Variants in TLN2 observed in about 807,000 individuals in gnomAD.
TLN2 encodes the protein talin-2.
In TLN2, 118 loss-of-function variants were observed where a neutral mutation model predicts 294.7. The ratio of observed to expected loss-of-function variants is 0.40; its 90% CI spans 0.34 to 0.47. TLN2 has a LOEUF of 0.47. TLN2 is among the 20% of genes least tolerant of loss of function. The pLI, the probability that TLN2 is intolerant of heterozygous loss-of-function variation, is 0.84. For synonymous variants in TLN2, 1,431 were observed against 1,304.5 expected (o/e 1.10, Z -2.09); for missense variants, 3,083 against 3,282.2 (o/e 0.94, Z 1.48).
At chr15:62,667,446 A>T (rs931768522) in intron 9 of TLN2, among the ~76,000 whole-genome samples, 1 of 151,698 alleles carries the variant, frequency 6.6e-6, no homozygotes, top group Non-Finnish European at 1.5e-5. Context: ...TCCCTATTGT[A>T]CCTCCACCAT....
chr15:62,699,921 A>G (rs902528872), intron 16 of TLN2, among the ~76,000 whole-genome samples: 11 of 152,098 alleles, frequency 7.2e-5, no homozygotes, highest in Admixed American at 5.2e-4. Flanking sequence ...GTTGACAACC[A>G]CTGTTGTAGG....
chr15:62,703,073 A>G (rs1018410165), intron 19 of TLN2, among the ~76,000 whole-genome samples: 1 of 151,916 alleles, frequency 6.6e-6, no homozygotes, highest in Non-Finnish European at 1.5e-5. Flanking sequence ...ACCATGCGTC[A>G]TCATTGTAAA....
chr15:62,554,012 T>C (rs776511696), intron 1 of TLN2, among the ~76,000 whole-genome samples: 4 of 152,052 alleles, frequency 2.6e-5, no homozygotes, highest in Non-Finnish European at 5.9e-5. Flanking sequence ...TATTATTTTC[T>C]TTCACTAGAC....
intron 9 of TLN2, among the ~76,000 whole-genome samples, chr15:62,672,889 G>A (rs929771594): frequency 6.6e-6 from 1 of 152,110 alleles, no homozygotes; most frequent in African/African-American, 2.4e-5. Flanking sequence ...CAGGTACTCA[G>A]GCCAGTATTT....
intron 1 of TLN2, among the ~76,000 whole-genome samples, chr15:62,456,197 G>C (rs955214188): frequency 6.6e-6 from 1 of 152,178 alleles, no homozygotes; most frequent in Non-Finnish European, 1.5e-5. Flanking sequence ...TCACTGGAAA[G>C]CTCTGAGTCA....
chr15:62,741,185 T>C (rs909340470), intron 32 of TLN2, among the ~76,000 whole-genome samples: 4 of 152,256 alleles, frequency 2.6e-5, no homozygotes, highest in Admixed American at 6.5e-5. Context: ...CAGACTTTTA[T>C]TGAGCACTTA....
intron 45 of TLN2, among the ~76,000 whole-genome samples, chr15:62,789,480 G>A (rs981428861): frequency 6.6e-6 from 1 of 152,130 alleles, no homozygotes; most frequent in Admixed American, 6.5e-5. Context: ...GAAAGGGGCC[G>A]GGCAGCAGGG....
At chr15:62,416,633 A>G (rs998915746) in intron 1 of TLN2, among the ~76,000 whole-genome samples, 1 of 152,204 alleles carries the variant, frequency 6.6e-6, no homozygotes, top group African/African-American at 2.4e-5. Flanking sequence ...ATATAGCATT[A>G]TCTTCCTTGA....
At chr15:62,819,337 G>T (rs1409324204) in intron 52 of TLN2, among the ~76,000 whole-genome samples, 179 bp from the exon 53 acceptor site, 1 of 152,158 alleles carries the variant, frequency 6.6e-6, no homozygotes, top group African/African-American at 2.4e-5. Context: ...TTTCTCACAT[G>T]GGGAGATTGA....
chr15:62,518,822 T>C (rs1567051546), intron 1 of TLN2, among the ~76,000 whole-genome samples: 1 of 152,076 alleles, frequency 6.6e-6, no homozygotes, highest in South Asian at 2.1e-4. Flanking sequence ...GGTCTCGAAC[T>C]CTTGACCTTA....
chr15:62,673,076 G>GTGTGTGTT (rs1429042734), intron 9 of TLN2, among the ~76,000 whole-genome samples: 1 of 133,438 alleles, frequency 7.5e-6, no homozygotes, highest in Non-Finnish European at 1.7e-5. Flanking sequence ...ATTTAATTGT[G>GTGTGTGTT]TGTGTGTGTG....
intron 41 of TLN2, 52 bp downstream of exon 41, chr15:62,766,474 G>C (rs1391495375): frequency 3.9e-6 from 6 of 1,536,990 alleles, no homozygotes; most frequent in Non-Finnish European, 3.6e-6. Context: ...TCACAGGAGA[G>C]AGGGTTTTAT....
chr15:62,587,537 A>G (rs1341753320), intron 1 of TLN2, among the ~76,000 whole-genome samples: 6 of 152,234 alleles, frequency 3.9e-5, no homozygotes, highest in African/African-American at 1.4e-4. Flanking sequence ...CAATAAATAT[A>G]GACCTCCAAC....
intron 1 of TLN2, among the ~76,000 whole-genome samples, chr15:62,457,514 G>A (rs1424666788): frequency 1.3e-4 from 20 of 152,216 alleles, no homozygotes; most frequent in Admixed American, 1.3e-3. Context: ...TGACTGCAGA[G>A]GAATTGGGCC....
intron 2 of TLN2, among the ~76,000 whole-genome samples, chr15:62,615,528 A>G (rs1487018536): frequency 6.6e-6 from 1 of 152,258 alleles, no homozygotes; most frequent in Admixed American, 6.5e-5. Flanking sequence ...TAGGAAATCA[A>G]AACACAGCAA....
intron 52 of TLN2, among the ~76,000 whole-genome samples, chr15:62,814,064 T>C (rs2141185047): frequency 6.6e-6 from 1 of 152,234 alleles, no homozygotes; most frequent in East Asian, 1.9e-4. Context: ...CACCTTGGCC[T>C]CCCAAAGTGC....
In TLN2 at chr15:62,558,584, A is replaced by G. The variant is rs150616013; in HGVS notation, c.-237-31103A>G. Among the ~76,000 whole-genome samples, 255 of 152,348 alleles carry G rather than the reference A, an allele frequency of 1.7e-3. 3 individuals are homozygous for G. The highest frequency in any genetic ancestry group is 5.9e-3 in the African/African-American group (247 of 41,576). ...ACAAGAGAAAAACCAAATTATTGAC[A>G]TGTATATTTTATATATACGTGGAAG... is the stretch of plus-strand genomic sequence containing the variant. On this transcript the variant is annotated intron_variant, in intron 1 of 58. Transcript: ENST00000636159.
At chr15:62,591,137 A>G (rs2046045090) in intron 2 of TLN2, among the ~76,000 whole-genome samples, 1 of 152,240 alleles carries the variant, frequency 6.6e-6, no homozygotes. Context: ...ATCTACTAAT[A>G]TAATTTTGCC....
chr15:62,503,317 C>T (rs569046664), intron 1 of TLN2, among the ~76,000 whole-genome samples: 80 of 152,316 alleles, frequency 5.3e-4, no homozygotes, highest in African/African-American at 1.9e-3. Flanking sequence ...AAGATCTGAA[C>T]TAACCACGTG....
Sources: gnomAD v4.1 joint callset for allele counts (sites outside exome capture counted in the v4.1 genomes callset) on GRCh38, gnomAD v4.1.1 for gene constraint, MANE v1.5 for transcripts, NCBI Gene and HGNC (gene_info 2026-07-23, HGNC 2026-07-21) for gene names.